The following PYHIN1 variants were observed in gnomAD, a reference collection of about 807,000 sequenced individuals.
The protein encoded by PYHIN1 is pyrin and HIN domain-containing protein 1.
PYHIN1 carries 32 observed loss-of-function variants against 43.7 expected under a neutral mutation model. The ratio of observed to expected loss-of-function variants is 0.73; its 90% CI spans 0.55 to 0.98. PYHIN1 has a LOEUF of 0.98. Among genes scored for constraint, PYHIN1 ranks in the 50% least tolerant of loss-of-function variants. The probability of loss-of-function intolerance (pLI) is 0.00; values close to 1 mark genes in which losing one functional copy is unlikely to be tolerated. For synonymous variants in PYHIN1, 205 were observed against 203.1 expected (o/e 1.01, Z -0.08); for missense variants, 588 against 589.5 (o/e 1.00, Z 0.03).
At chr1:158,948,455 A>C (rs1212113886) in intron 7 of PYHIN1, among the ~76,000 whole-genome samples, 2 of 152,320 alleles carry the variant, frequency 1.3e-5, no homozygotes, top group African/African-American at 4.8e-5. Context: ...TGATACAGAT[A>C]TGTTTATGCC....
chr1:158,952,064 G>A (rs1440360422), intron 7 of PYHIN1, among the ~76,000 whole-genome samples: 1 of 151,936 alleles, frequency 6.6e-6, no homozygotes, highest in Non-Finnish European at 1.5e-5. Context: ...CCCCAGGGTG[G>A]TGGCTGCGTT....
chr1:158,959,518 G>A (rs1650201469), intron 7 of PYHIN1, among the ~76,000 whole-genome samples: 1 of 152,174 alleles, frequency 6.6e-6, no homozygotes, highest in African/African-American at 2.4e-5. Context: ...TTTACTCAAG[G>A]TAAGAAGTAG....
chr1:158,936,619 AG>A (rs1379192854), intron 1 of PYHIN1, among the ~76,000 whole-genome samples: 2 of 152,250 alleles, frequency 1.3e-5, no homozygotes, highest in South Asian at 2.1e-4. Context: ...CAATAGATGC[AG>A]AAAAGGCCTT....
At chr1:158,950,624 G>C (rs1557832208) in intron 7 of PYHIN1, among the ~76,000 whole-genome samples, 1 of 152,180 alleles carries the variant, frequency 6.6e-6, no homozygotes, top group Non-Finnish European at 1.5e-5. Flanking sequence ...AGAGGTTTCA[G>C]CAAAGTGCTT....
intron 4 of PYHIN1, 99 bp downstream of exon 4, chr1:158,939,346 A>G: frequency 6.3e-7 from 1 of 1,592,530 alleles, no homozygotes; most frequent in Non-Finnish European, 8.6e-7. Context: ...ATCATCAGCC[A>G]GTAAATCAAA....
intron 6 of PYHIN1, among the ~76,000 whole-genome samples, chr1:158,944,642 AT>A (rs1162174047): frequency 1.3e-5 from 2 of 152,216 alleles, no homozygotes; most frequent in African/African-American, 4.8e-5. Context: ...AATGGATTTC[AT>A]TTTAAAAAAT....
At chr1:158,949,311 T>C (rs1156548143) in intron 7 of PYHIN1, among the ~76,000 whole-genome samples, 1 of 152,214 alleles carries the variant, frequency 6.6e-6, no homozygotes, top group Non-Finnish European at 1.5e-5. Context: ...TTGGAGGCTA[T>C]AGGCTTGTTC....
chr1:158,936,183 T>C (rs1417942698), intron 1 of PYHIN1, among the ~76,000 whole-genome samples: 1 of 147,358 alleles, frequency 6.8e-6, no homozygotes, highest in Non-Finnish European at 1.5e-5. Context: ...TAGCATTAGG[T>C]ATATCACCTA....
At chr1:158,967,111 C>A (rs116351676) in intron 7 of PYHIN1, among the ~76,000 whole-genome samples, 1,585 of 152,158 alleles carry the variant, frequency 0.01, 27 homozygotes, top group African/African-American at 0.035. Context: ...ATTCCGTTCA[C>A]AATTGCCACA....
At chr1:158,988,781 G>GA in the PYHIN1 span, among the ~76,000 whole-genome samples, 1 of 152,074 alleles carries the variant, frequency 6.6e-6, no homozygotes, top group Non-Finnish European at 1.5e-5. Flanking sequence ...AATTTTTTGA[G>GA]AAAAATAAAT....
chr1:158,951,627 G>A (rs1348666593), intron 7 of PYHIN1, among the ~76,000 whole-genome samples: 1 of 152,196 alleles, frequency 6.6e-6, no homozygotes, highest in African/African-American at 2.4e-5. Context: ...AAAGCATTAG[G>A]TGTGTGGGGA....
intron 6 of PYHIN1, 44 bp downstream of exon 6, chr1:158,944,022 T>A (rs374699820): frequency 3.0e-4 from 451 of 1,505,682 alleles, no homozygotes; most frequent in Non-Finnish European, 3.7e-4. Context: ...AAGATGAAAA[T>A]CATTTGCTTT....
chr1:158,946,556 TAG>T (rs1649232064), intron 7 of PYHIN1, among the ~76,000 whole-genome samples: 2 of 128,686 alleles, frequency 1.6e-5, no homozygotes, highest in African/African-American at 5.8e-5. Flanking sequence ...ATTAGATAGA[TAG>T]ATAGATAGAT....
rs894566967 is a variant in PYHIN1, at chr1:158,933,899, AT to A, written c.-21+2132del. On this transcript the variant is annotated intron_variant, in intron 1 of 8. Coordinates refer to ENST00000368140, the MANE Select transcript of PYHIN1 (RefSeq NM_152501.5). The surrounding 1 kb of genome is among the most constrained non-coding windows in gnomAD (Gnocchi z 6.3). The stretch of plus-strand genomic sequence containing the variant: ...GTCTTTTGGCCTGCAGCTTTTTAAA[AT>A]TTTTTTTTAATTTTCTATTGAAAAG... Among the ~76,000 whole-genome samples, 16 of 151,632 alleles carry A rather than the reference AT, an allele frequency of 1.1e-4. No individual in the cohort carries two copies. Among genetic ancestry groups the A allele is most frequent in the Admixed American group, 2.0e-4 (3 of 15,196 alleles).
chr1:158,936,928 G>T lies in PYHIN1; in HGVS notation c.18G>T (p.Lys6Asn). The T allele has an allele frequency of 6.3e-7, 1 of 1,583,746 alleles. No homozygotes were observed. The highest frequency in any genetic ancestry group is 1.2e-5 in the South Asian group (1 of 85,062). MANNY[K>N]KIVLLKGLEV... is the part of the protein sequence containing the mutation. ...CTTTAGAGATGGCAAATAACTACAAGAAAATTGTTCTACTGAAAGGATTAG... is the reference window on the plus strand; with the variant it reads ...CTTTAGAGATGGCAAATAACTACAATAAAATTGTTCTACTGAAAGGATTAG... Residue 6 changes from lysine to asparagine, a missense_variant, in exon 2 of 9, where the codon AAG becomes AAT. By Grantham distance (94) the Lys-to-Asn change is moderately conservative (BLOSUM62 0). Transcript: ENST00000368140.
At position 158,958,309 on chromosome 1, in the gene PYHIN1, A is replaced by T. The variant is rs569462972; in HGVS notation, c.1359+13267A>T. Among the ~76,000 whole-genome samples, 339 of 147,428 alleles carry T rather than the reference A, an allele frequency of 2.3e-3. 1 individual carries two copies. Among genetic ancestry groups the T allele is most frequent in the African/African-American group, 8.1e-3 (325 of 40,130 alleles). On this transcript the variant is annotated intron_variant, in intron 7 of 8. Transcript: ENST00000368140. ...CTGCTATAAAGACACATGCACACGTATGTTTATTGCGGCATTATTCACAAT... is the reference window on the plus strand; with the variant it reads ...CTGCTATAAAGACACATGCACACGTTTGTTTATTGCGGCATTATTCACAAT...
the PYHIN1 span, among the ~76,000 whole-genome samples, chr1:158,990,274 T>C: frequency 3.9e-5 from 6 of 152,338 alleles, no homozygotes; most frequent in African/African-American, 7.2e-5. Context: ...ATTAGATTAA[T>C]TTAATATGAC....
At chr1:158,988,621 G>T in the PYHIN1 span, among the ~76,000 whole-genome samples, 1 of 152,158 alleles carries the variant, frequency 6.6e-6, no homozygotes, top group Non-Finnish European at 1.5e-5. Flanking sequence ...TCTCTTGGCT[G>T]TATTGAGTTC....
intron 1 of PYHIN1, among the ~76,000 whole-genome samples, chr1:158,935,871 T>C (rs1648504512): frequency 6.6e-6 from 1 of 152,122 alleles, no homozygotes; most frequent in South Asian, 2.1e-4. Flanking sequence ...GCCCATACTC[T>C]AAACACTGAG....
Sources: allele counts gnomAD v4.1 joint callset (sites outside exome capture counted in the v4.1 genomes callset), GRCh38; gene constraint gnomAD v4.1.1; non-coding constraint Gnocchi (gnomAD v3.1); transcripts MANE v1.5; gene names NCBI Gene and HGNC (gene_info 2026-07-23, HGNC 2026-07-21).